The following CNKSR2 variants were observed in gnomAD, a reference collection of about 807,000 sequenced individuals.
CNKSR2 encodes connector enhancer of kinase suppressor of Ras 2, also known as CNK homolog protein 2.
A neutral mutation model predicts 84.4 loss-of-function variants in CNKSR2; 14 were observed. That is an observed-to-expected ratio of 0.17 (90% CI 0.11 to 0.26). CNKSR2 has a LOEUF of 0.26. Among genes scored for constraint, CNKSR2 ranks in the 10% least tolerant of loss-of-function variants. The pLI is 1.00. For synonymous variants in CNKSR2, 275 were observed against 277.9 expected (o/e 0.99, Z 0.10); for missense variants, 485 against 771.2 (o/e 0.63, Z 4.40).
intron 17 of CNKSR2, 123 bp from the exon 18 acceptor site, chrX:21,601,159 G>A (rs1336186731): frequency 1.2e-5 from 5 of 418,554 alleles, no homozygotes; most frequent in Non-Finnish European, 2.0e-5. Flanking sequence ...TAGTAGCAAA[G>A]AACACATCTT....
intron 2 of CNKSR2, chrX:21,429,207 T>C (rs908334518): frequency 1.8e-5 from 2 of 112,476 alleles, no homozygotes; most frequent in African/African-American, 6.5e-5. Context: ...GAATCAGTTC[T>C]AAGTCATTAC....
chrX:21,615,478 A>G (rs2092572705), intron 20 of CNKSR2, among the ~76,000 whole-genome samples: 1 of 111,564 alleles, frequency 9.0e-6, no homozygotes, highest in Non-Finnish European at 1.9e-5. Flanking sequence ...TGATCAAGTT[A>G]TTTAACACCT....
intron 13 of CNKSR2, among the ~76,000 whole-genome samples, chrX:21,570,688 C>T (rs1015098297): frequency 8.9e-6 from 1 of 111,956 alleles, no homozygotes; most frequent in Non-Finnish European, 1.9e-5. Context: ...TAGAGGCCAT[C>T]GTAGGGTTAA....
chrX:21,401,960 A>G (rs574719054), intron 1 of CNKSR2, among the ~76,000 whole-genome samples: 1 of 111,616 alleles, frequency 9.0e-6, no homozygotes, highest in East Asian at 2.8e-4. Context: ...AGGACTTACT[A>G]GTAAATGACA....
intron 20 of CNKSR2, among the ~76,000 whole-genome samples, chrX:21,616,325 A>G (rs1001542213): frequency 8.9e-6 from 1 of 112,095 alleles, no homozygotes; most frequent in Non-Finnish European, 1.9e-5. Context: ...TATATGGCCC[A>G]TAGTAGCCCA....
At chrX:21,543,911 C>T in intron 11 of CNKSR2, among the ~76,000 whole-genome samples, 2 of 111,082 alleles carry the variant, frequency 1.8e-5, no homozygotes, top group Non-Finnish European at 3.8e-5. Context: ...CAACCTCCAC[C>T]TCTCGGGTTC....
At chrX:21,477,993 C>A (rs1374482905) in intron 5 of CNKSR2, among the ~76,000 whole-genome samples, 3 of 111,614 alleles carry the variant, frequency 2.7e-5, no homozygotes, top group African/African-American at 9.8e-5. Context: ...CAAATGCAAA[C>A]TGAATTTTTT....
chrX:21,562,046 C>CT (rs750682220), intron 12 of CNKSR2, among the ~76,000 whole-genome samples: 1,531 of 108,737 alleles, frequency 0.014, 19 homozygotes, highest in Non-Finnish European at 0.021. Context: ...AAAAACCGTG[C>CT]TTTTTTTTCC....
chrX:21,453,312 A>C (rs1382333480), intron 4 of CNKSR2, among the ~76,000 whole-genome samples: 1 of 111,915 alleles, frequency 8.9e-6, no homozygotes, highest in Non-Finnish European at 1.9e-5. Flanking sequence ...TATATGCAGA[A>C]ACAATATATT....
rs960352753 is a variant in CNKSR2 at position 21,623,348 on chromosome X, A to G, written c.2692+13731A>G. Among the ~76,000 whole-genome samples, 3 of 111,635 alleles carry G rather than the reference A, an allele frequency of 2.7e-5. No homozygotes were observed. In the Admixed American group the frequency reaches 2.8e-4, roughly 11 times the overall value. On this transcript the variant is annotated intron_variant, in intron 20 of 21. Transcript: ENST00000379510. ...AATTTCTGCTCTAAAGAGCTTATAG[A>G]AATTGGGGTGATATTTGAGTATTTG...
At chrX:21,558,771 T>C (rs1292576985) in intron 11 of CNKSR2, among the ~76,000 whole-genome samples, 1 of 111,460 alleles carries the variant, frequency 9.0e-6, no homozygotes, top group Non-Finnish European at 1.9e-5. Flanking sequence ...TGTGCACATA[T>C]GTTTGTCTCC....
rs2092725298 is a variant in CNKSR2, at chrX:21,653,446, TC to T, written c.*927del. On this transcript the variant is annotated 3_prime_UTR_variant, in exon 22 of 22. Coordinates refer to ENST00000379510, the MANE Select transcript of CNKSR2 (RefSeq NM_014927.5). ...GGTATAAACTGAAATGAATCAACTT[TC>T]CACTTAGTTTCCAATTTTCCCCTAG... 9.0e-6 allele frequency: 1 copy of T among 110,782 alleles called. No individual in the cohort carries two copies. Among genetic ancestry groups the T allele is most frequent in the South Asian group, 3.8e-4 (1 of 2,641 alleles). The allele number at this position is 110,782 out of a possible 1,213,427, so 9.1% of individuals were successfully genotyped here.
At chrX:21,516,098 G>GACATTGC (rs2147095755) in intron 8 of CNKSR2, among the ~76,000 whole-genome samples, 1 of 111,377 alleles carries the variant, frequency 9.0e-6, no homozygotes, top group African/African-American at 3.3e-5. Context: ...GTAAGCTCAG[G>GACATTGC]ACATTGCCAA....
intron 1 of CNKSR2, among the ~76,000 whole-genome samples, chrX:21,381,988 G>A (rs2089905683): frequency 9.0e-6 from 1 of 111,431 alleles, no homozygotes; most frequent in African/African-American, 3.3e-5. Flanking sequence ...CACTAGATGA[G>A]TGCAGGGACC....
At chrX:21,585,702 A>T (rs1429709009) in intron 13 of CNKSR2, among the ~76,000 whole-genome samples, 3 of 111,488 alleles carry the variant, frequency 2.7e-5, no homozygotes, top group Non-Finnish European at 5.7e-5. Context: ...TCAGTGAAGA[A>T]GTCCTGGCTA....
At chrX:21,650,102 T>G (rs1569292801) in intron 21 of CNKSR2, among the ~76,000 whole-genome samples, 3 of 111,387 alleles carry the variant, frequency 2.7e-5, no homozygotes, top group Non-Finnish European at 3.8e-5. Flanking sequence ...TATAAATCAT[T>G]CTACTATAAA....
chrX:21,465,282 C>T (rs1156630009), intron 4 of CNKSR2, among the ~76,000 whole-genome samples: 3 of 111,346 alleles, frequency 2.7e-5, no homozygotes, highest in Non-Finnish European at 5.7e-5. Context: ...ATTTATCCCT[C>T]ATTACATAAT....
chrX:21,423,397 A>C (rs1297193374), intron 1 of CNKSR2: 3 of 111,858 alleles, frequency 2.7e-5, no homozygotes, highest in Non-Finnish European at 5.6e-5. Context: ...AAATAATAGA[A>C]GGTATTACTA....
chrX:21,609,083 A>G lies in CNKSR2; in HGVS notation c.2158A>G (p.Ser720Gly). ...CTCCTTTCTACAGATGAGTTGCGCCAGTCCTTATGTGGAAGCAAAACATAG... is the reference window on the plus strand; with the variant it reads ...CTCCTTTCTACAGATGAGTTGCGCCGGTCCTTATGTGGAAGCAAAACATAG... ...YPRPPSMSCA[S>G]PYVEAKHSRL... Residue 720 changes from serine to glycine, a missense_variant, in exon 20 of 22, where the codon AGT becomes GGT. Physicochemically the swap from Ser to Gly is moderately conservative, Grantham distance 56 (BLOSUM62 0). Transcript: ENST00000379510. 1 of 1,205,573 alleles carries G rather than the reference A, an allele frequency of 8.3e-7. No homozygotes were observed. Among genetic ancestry groups the G allele is most frequent in the Non-Finnish European group, 1.1e-6 (1 of 892,275 alleles).
Sources: gnomAD v4.1 joint callset for allele counts (sites outside exome capture counted in the v4.1 genomes callset) on GRCh38, gnomAD v4.1.1 for gene constraint, MANE v1.5 for transcripts, NCBI Gene and HGNC (gene_info 2026-07-23, HGNC 2026-07-21) for gene names.